FRMD3: variants seen among roughly 807,000 people sequenced by gnomAD.
The protein encoded by FRMD3 is FERM domain containing 3, also known as FERM domain-containing protein 3.
In FRMD3, 33 loss-of-function variants were observed where a neutral mutation model predicts 70.2. The ratio of observed to expected loss-of-function variants is 0.47; its 90% CI spans 0.36 to 0.63. The LOEUF (loss-of-function observed/expected upper bound fraction) is 0.63. Ranked by LOEUF, FRMD3 falls within the 20% of genes least tolerant of loss-of-function variation. The pLI is 0.00. For missense variants in FRMD3, 632 were observed against 711.4 expected (o/e 0.89, Z 1.27); for synonymous variants, 279 against 255.9 (o/e 1.09, Z -0.86).
intron 3 of FRMD3, among the ~76,000 whole-genome samples, chr9:83,356,271 A>ATTTTTTTT (rs869149609): frequency 1.1e-5 from 1 of 94,462 alleles, no homozygotes; most frequent in Non-Finnish European, 2.0e-5. Context: ...ACTCAGCAGC[A>ATTTTTTTT]TTTTTTTTTT....
chr9:83,407,260 C>A (rs1465464637), intron 1 of FRMD3, among the ~76,000 whole-genome samples: 3 of 152,140 alleles, frequency 2.0e-5, no homozygotes, highest in African/African-American at 7.2e-5. Flanking sequence ...AATTTGTACA[C>A]ACAGTAAATA....
the FRMD3 span, among the ~76,000 whole-genome samples, chr9:83,565,765 T>C: frequency 6.6e-6 from 1 of 152,224 alleles, no homozygotes; most frequent in Non-Finnish European, 1.5e-5. Context: ...TCAGCTGAAG[T>C]TTAAGTCTTA....
At chr9:83,418,164 C>A (rs17086247) in intron 1 of FRMD3, among the ~76,000 whole-genome samples, 15,701 of 151,998 alleles carry the variant, frequency 0.1, 860 homozygotes, top group Admixed American at 0.14. Flanking sequence ...ATTCACGAAG[C>A]TAAGGGATAA....
intron 4 of FRMD3, among the ~76,000 whole-genome samples, chr9:83,344,373 G>C (rs925979016): frequency 7.2e-5 from 11 of 151,982 alleles, no homozygotes; most frequent in African/African-American, 2.7e-4. Context: ...TTTTTTATGT[G>C]TCAACTGGAT....
intron 10 of FRMD3, among the ~76,000 whole-genome samples, chr9:83,305,408 C>G (rs1296947001): frequency 2.0e-5 from 3 of 152,206 alleles, no homozygotes; most frequent in Non-Finnish European, 4.4e-5. Context: ...AATTCAATCT[C>G]ATTTCACAGA....
At position 83,485,077 on chromosome 9, in the gene FRMD3, A is replaced by G. The variant is rs572271334; in HGVS notation, c.147+53008T>C. Among the ~76,000 whole-genome samples the G allele has an allele frequency of 7.9e-5, 12 of 152,350 alleles. No individual in the cohort carries two copies. The South Asian group carries it at 2.3e-3, about 29-fold the overall frequency. On this transcript the variant is annotated intron_variant, in intron 1 of 13. Coordinates refer to ENST00000304195, the MANE Select transcript of FRMD3 (RefSeq NM_174938.6). ...GATGATAGCTCTATCTGGGCCTTTC[A>G]CTAATAAATTCTCTTAGAGACAACA...
chr9:83,436,817 G>A (rs1827150385), intron 1 of FRMD3, among the ~76,000 whole-genome samples: 2 of 147,616 alleles, frequency 1.4e-5, no homozygotes, highest in African/African-American at 2.5e-5. Context: ...CAGCTAGACA[G>A]GAAAAGAATA....
chr9:83,444,027 T>TAG (rs1827384273), intron 1 of FRMD3, among the ~76,000 whole-genome samples: 1 of 152,258 alleles, frequency 6.6e-6, no homozygotes, highest in Non-Finnish European at 1.5e-5. Flanking sequence ...TATTTTTGCT[T>TAG]CCTTTTTAAC....
the FRMD3 span, among the ~76,000 whole-genome samples, chr9:83,568,231 G>T: frequency 2.0e-5 from 3 of 152,162 alleles, no homozygotes; most frequent in African/African-American, 7.2e-5. Flanking sequence ...GCAGGGGAAA[G>T]ATTGGCACCC....
Position 83,537,684 on chromosome 9 carries a change from G to A in FRMD3, c.147+401C>T, listed in dbSNP as rs1373512524. ...CAGCTGATGCATGCCTTCTCCACGTGGAAGAAGGGAGGAAATACCAGTGGG... is the reference window on the plus strand; with the variant it reads ...CAGCTGATGCATGCCTTCTCCACGTAGAAGAAGGGAGGAAATACCAGTGGG... On this transcript the variant is annotated intron_variant, in intron 1 of 13. Transcript: ENST00000304195. The surrounding 1 kb of genome is among the most constrained non-coding windows in gnomAD (Gnocchi z 4.1). Among the ~76,000 whole-genome samples, 1 of 152,156 alleles carries A rather than the reference G, an allele frequency of 6.6e-6. No homozygotes were observed. Among genetic ancestry groups the A allele is most frequent in the African/African-American group, 2.4e-5 (1 of 41,444 alleles).
chr9:83,321,562 T>C (rs1835802558), intron 6 of FRMD3, among the ~76,000 whole-genome samples: 1 of 152,228 alleles, frequency 6.6e-6, no homozygotes, highest in Admixed American at 6.5e-5. Context: ...ATTTCAATTT[T>C]TAAAAAATTT....
intron 13 of FRMD3, among the ~76,000 whole-genome samples, chr9:83,255,910 T>C (rs1280294473): frequency 1.3e-5 from 2 of 152,166 alleles, no homozygotes; most frequent in African/African-American, 4.8e-5. Context: ...TGCTCACGGA[T>C]AGGACGACTC....
At chr9:83,372,433 A>G (rs986716281) in intron 3 of FRMD3, among the ~76,000 whole-genome samples, 15 of 152,088 alleles carry the variant, frequency 9.9e-5, no homozygotes, top group Non-Finnish European at 2.2e-4. Flanking sequence ...AGAAGAAAAA[A>G]TTGTTTTTCA....
At chr9:83,468,338 A>C (rs1828184673) in intron 1 of FRMD3, among the ~76,000 whole-genome samples, 3 of 152,170 alleles carry the variant, frequency 2.0e-5, no homozygotes, top group South Asian at 2.1e-4. Context: ...AAACCAAAAC[A>C]ACCACCTGAA....
At chr9:83,310,683 T>TA (rs1181545125) in intron 8 of FRMD3, 135 bp from the exon 9 acceptor site, 4 of 663,056 alleles carry the variant, frequency 6.0e-6, no homozygotes, top group Non-Finnish European at 1.1e-5. Flanking sequence ...GGTGAAGGTC[T>TA]AATGGGCAGT....
intron 10 of FRMD3, among the ~76,000 whole-genome samples, chr9:83,305,008 G>A (rs749610321): frequency 2.4e-4 from 36 of 152,314 alleles, no homozygotes; most frequent in Non-Finnish European, 3.4e-4. Flanking sequence ...GCGCATTTGC[G>A]TCCTAAAAGC....
chr9:83,379,729 G>A (rs899641019), intron 2 of FRMD3, among the ~76,000 whole-genome samples: 14 of 152,118 alleles, frequency 9.2e-5, no homozygotes, highest in African/African-American at 3.4e-4. Context: ...CCACCACAGG[G>A]TAGAGAATTG....
rs190279400 is a variant in FRMD3, at chr9:83,461,884, G to A, written c.148-72176C>T. ...TGTATTTTTAGTAGAGATGGGTTTC[G>A]CCATGTTGGACAGTCTGGTCTCAAA... On this transcript the variant is annotated intron_variant, in intron 1 of 13. Transcript: ENST00000304195. Among the ~76,000 whole-genome samples the A allele has an allele frequency of 3.3e-5, 5 of 151,630 alleles. 1 individual carries two copies. Among genetic ancestry groups the A allele is most frequent in the East Asian group, 3.9e-4 (2 of 5,164 alleles).
intron 1 of FRMD3, among the ~76,000 whole-genome samples, chr9:83,412,964 A>G (rs961740949): frequency 1.3e-5 from 2 of 152,170 alleles, no homozygotes. Flanking sequence ...CACTGCATTT[A>G]GCCTGGGCAA....
Sources: allele counts gnomAD v4.1 joint callset (sites outside exome capture counted in the v4.1 genomes callset), GRCh38; gene constraint gnomAD v4.1.1; non-coding constraint Gnocchi (gnomAD v3.1); transcripts MANE v1.5; gene names NCBI Gene and HGNC (gene_info 2026-07-23, HGNC 2026-07-21).